Variants in PPM1L observed in about 807,000 individuals in gnomAD.
PPM1L encodes protein phosphatase 1L.
A neutral mutation model predicts 31.4 loss-of-function variants in PPM1L; 13 were observed. The ratio of observed to expected loss-of-function variants is 0.41; its 90% CI spans 0.27 to 0.66. The LOEUF (loss-of-function observed/expected upper bound fraction) is 0.66, where lower values mean the gene tolerates loss of function less well. Among genes scored for constraint, PPM1L ranks in the 30% least tolerant of loss-of-function variants. The pLI, the probability that PPM1L is intolerant of heterozygous loss-of-function variation, is 0.29. For missense variants in PPM1L, 326 were observed against 453.7 expected, an observed-to-expected ratio of 0.72 and a Z score of 2.56; for synonymous variants, 184 against 175.4, an observed-to-expected ratio of 1.05 and a Z score of -0.39.
At chr3:160,786,187 G>GTGTGTGTGTGTGTA (rs1302285733) in intron 1 of PPM1L, among the ~76,000 whole-genome samples, 1 of 39,444 alleles carries the variant, frequency 2.5e-5, no homozygotes, top group Non-Finnish European at 3.6e-5. Flanking sequence ...GTGTGTGTGT[G>GTGTGTGTGTGTGTA]TATATATATA....
At chr3:160,942,419 A>G (rs1410835618) in intron 1 of PPM1L, among the ~76,000 whole-genome samples, 3 of 152,160 alleles carry the variant, frequency 2.0e-5, no homozygotes, top group Non-Finnish European at 4.4e-5. Context: ...TTGTTCATTC[A>G]TGAATAATGT....
Position 160,893,106 on chromosome 3 carries a change from A to G in PPM1L, c.400-68630A>G, listed in dbSNP as rs542612977. On this transcript the variant is annotated intron_variant, in intron 1 of 3. Coordinates refer to ENST00000498165, the MANE Select transcript of PPM1L (RefSeq NM_139245.4). The stretch of plus-strand genomic sequence containing the variant: ...TAGACCTAAGAAGGCCATTTGCAGT[A>G]ATACTTGGAAGCAAAATTTCTTAAC... Among the ~76,000 whole-genome samples, 79 of 152,320 alleles carry G rather than the reference A, an allele frequency of 5.2e-4. 1 individual carries two copies. Among genetic ancestry groups the G allele is most frequent in the South Asian group, 4.8e-3 (23 of 4,826 alleles).
Position 160,778,554 on chromosome 3 carries a change from A to G in PPM1L, c.399+21847A>G, listed in dbSNP as rs150099229. ...GTCCCTGTCTGAATATGCAAAACAA[A>G]TAGGAATGTTCATGAAGCAGCAAGT... On this transcript the variant is annotated intron_variant, in intron 1 of 3. Coordinates refer to ENST00000498165, the MANE Select transcript of PPM1L (RefSeq NM_139245.4). 2.7e-3 allele frequency among the ~76,000 whole-genome samples: 405 copies of G among 152,304 alleles called. 1 individual carries two copies. The highest frequency in any genetic ancestry group is 9.5e-3 in the African/African-American group (393 of 41,566).
chr3:160,913,731 T>C (rs1714053099), intron 1 of PPM1L, among the ~76,000 whole-genome samples: 1 of 152,216 alleles, frequency 6.6e-6, no homozygotes, highest in African/African-American at 2.4e-5. Context: ...TATATGTCAG[T>C]AGTTCATTCC....
chr3:160,976,225 C>G (rs1716567820), intron 2 of PPM1L, among the ~76,000 whole-genome samples: 1 of 142,106 alleles, frequency 7.0e-6, no homozygotes, highest in African/African-American at 2.7e-5. Flanking sequence ...GGATGAAGCC[C>G]ACTTGATCAT....
intron 2 of PPM1L, among the ~76,000 whole-genome samples, chr3:161,055,711 T>C (rs967933783): frequency 6.6e-6 from 1 of 152,052 alleles, no homozygotes; most frequent in Non-Finnish European, 1.5e-5. Flanking sequence ...TATCTCTCTA[T>C]GTCTCGCCCC....
At chr3:160,938,629 A>C (rs1715059434) in intron 1 of PPM1L, among the ~76,000 whole-genome samples, 1 of 152,184 alleles carries the variant, frequency 6.6e-6, no homozygotes, top group Non-Finnish European at 1.5e-5. Flanking sequence ...AAATAACTAA[A>C]ATTTATGGAA....
chr3:160,820,518 ACT>A (rs1713162969), intron 1 of PPM1L, among the ~76,000 whole-genome samples: 1 of 151,914 alleles, frequency 6.6e-6, no homozygotes, highest in African/African-American at 2.4e-5. Flanking sequence ...CCCAGTAGTA[ACT>A]CTGCTGTTTA....
At position 160,962,397 on chromosome 3, in the gene PPM1L, A is replaced by C. The variant is rs115358107; in HGVS notation, c.574+487A>C. Among the ~76,000 whole-genome samples, 625 of 152,246 alleles carry C rather than the reference A, an allele frequency of 4.1e-3. 4 individuals carry two copies. Among genetic ancestry groups the C allele is most frequent in the African/African-American group, 0.014 (599 of 41,540 alleles). On this transcript the variant is annotated intron_variant, in intron 2 of 3. Coordinates refer to ENST00000498165, the MANE Select transcript of PPM1L (RefSeq NM_139245.4). ...TGCCTGCCATAGGTTCTTCCCATCC[A>C]AGGGAGCTTATTAATGAAGTCATGG...
At chr3:160,921,729 T>G (rs79568325) in intron 1 of PPM1L, among the ~76,000 whole-genome samples, 11,512 of 152,226 alleles carry the variant, frequency 0.076, 550 homozygotes, top group African/African-American at 0.12. Flanking sequence ...AATAGATTCT[T>G]GAAAAATAAT....
At chr3:160,989,636 A>G (rs556511547) in intron 2 of PPM1L, among the ~76,000 whole-genome samples, 14 of 152,108 alleles carry the variant, frequency 9.2e-5, no homozygotes, top group African/African-American at 3.4e-4. Context: ...TGCTAGGGTC[A>G]CAGGCGTGAG....
At chr3:160,770,870 T>C (rs1468998242) in intron 1 of PPM1L, among the ~76,000 whole-genome samples, 1 of 152,198 alleles carries the variant, frequency 6.6e-6, no homozygotes, top group Non-Finnish European at 1.5e-5. Context: ...CTATCTGTCC[T>C]GTAAAGAAAT....
At chr3:160,925,698 A>G (rs1162978661) in intron 1 of PPM1L, among the ~76,000 whole-genome samples, 3 of 152,208 alleles carry the variant, frequency 2.0e-5, no homozygotes, top group Non-Finnish European at 4.4e-5. Context: ...TTCATGTATA[A>G]GAGATACATG....
At chr3:160,908,393 C>T (rs918328143) in intron 1 of PPM1L, among the ~76,000 whole-genome samples, 2 of 152,196 alleles carry the variant, frequency 1.3e-5, no homozygotes, top group African/African-American at 4.8e-5. Context: ...GTTGTTCACA[C>T]AAACAAATAA....
At chr3:160,955,690 G>A (rs1308733562) in intron 1 of PPM1L, among the ~76,000 whole-genome samples, 1 of 146,060 alleles carries the variant, frequency 6.8e-6, no homozygotes, top group Non-Finnish European at 1.5e-5. Flanking sequence ...TCGCTCTGTC[G>A]CCCAGGTTGG....
intron 1 of PPM1L, among the ~76,000 whole-genome samples, chr3:160,886,899 T>TA (rs1310199056): frequency 5.3e-5 from 8 of 151,696 alleles, no homozygotes; most frequent in Non-Finnish European, 8.8e-5. Context: ...AGGTGGGTAA[T>TA]AAAAAACTAC....
In PPM1L at chr3:160,756,616, A is replaced by C; in HGVS notation, c.308A>C (p.Asp103Ala). ...GTGTACTCCATCCAGGGCCGGAGAGACCACATGGAGGACCGCTTCGAAGTT... is the reference window on the plus strand; with the variant it reads ...GTGTACTCCATCCAGGGCCGGAGAGCCCACATGGAGGACCGCTTCGAAGTT... ...VAVYSIQGRR[D>A]HMEDRFEVLT... The change falls in exon 1 of 4, where the codon GAC (aspartate) becomes GCC (alanine). Residue 103 changes from aspartate (D) to alanine (A), a missense_variant. Asp to Ala is a moderately radical substitution (Grantham distance 126). Coordinates refer to ENST00000498165, the MANE Select transcript of PPM1L (RefSeq NM_139245.4). The surrounding 1 kb of genome is among the most constrained non-coding windows in gnomAD (Gnocchi z 6.2). 1 of 1,614,120 alleles carries C rather than the reference A, an allele frequency of 6.2e-7. No homozygotes were observed. Among genetic ancestry groups the C allele is most frequent in the Non-Finnish European group, 8.5e-7 (1 of 1,180,006 alleles).
At chr3:161,025,716 A>T (rs1359501152) in intron 2 of PPM1L, among the ~76,000 whole-genome samples, 1 of 152,194 alleles carries the variant, frequency 6.6e-6, no homozygotes, top group Non-Finnish European at 1.5e-5. Flanking sequence ...CAGAACTGTG[A>T]GAAAATTAAT....
intron 1 of PPM1L, among the ~76,000 whole-genome samples, chr3:160,955,352 A>G (rs1026930169): frequency 6.6e-6 from 1 of 151,826 alleles, no homozygotes; most frequent in African/African-American, 2.4e-5. Flanking sequence ...TTTAAATTCT[A>G]CCAGAATTAT....
Sources: gnomAD v4.1 joint callset for allele counts (sites outside exome capture counted in the v4.1 genomes callset) on GRCh38, gnomAD v4.1.1 for gene constraint, Gnocchi (gnomAD v3.1) non-coding constraint, MANE v1.5 for transcripts, NCBI Gene and HGNC (gene_info 2026-07-23, HGNC 2026-07-21) for gene names.